DDI2: variants seen among roughly 807,000 people sequenced by gnomAD.
DDI2 encodes the protein DDI proteasomal shuttling factor 2, also known as protein DDI1 homolog 2.
In DDI2, 5 loss-of-function variants were observed where a neutral mutation model predicts 48.1. The ratio of observed to expected loss-of-function variants is 0.10; its 90% CI spans 0.05 to 0.22. The LOEUF (loss-of-function observed/expected upper bound fraction) is 0.22. Ranked by LOEUF, DDI2 falls within the 10% of genes least tolerant of loss-of-function variation. DDI2 has a pLI of 1.00. For synonymous variants in DDI2, 205 were observed against 183.6 expected (o/e 1.12, Z -0.94); for missense variants, 285 against 506.2 (o/e 0.56, Z 4.19).
At chr1:15,641,256 G>A (rs1303641789) in intron 5 of DDI2, among the ~76,000 whole-genome samples, 2 of 152,062 alleles carry the variant, frequency 1.3e-5, no homozygotes, top group African/African-American at 2.4e-5. Flanking sequence ...TAGACCATTT[G>A]AGGTCAGGAG....
intron 7 of DDI2, among the ~76,000 whole-genome samples, chr1:15,650,970 T>A (rs1163386168): frequency 2.6e-5 from 4 of 152,192 alleles, no homozygotes; most frequent in African/African-American, 7.2e-5. Flanking sequence ...TTCTCCTGCC[T>A]CAGCCTCCCG....
At chr1:15,630,958 C>T (rs1340621068) in intron 3 of DDI2, among the ~76,000 whole-genome samples, 2 of 152,220 alleles carry the variant, frequency 1.3e-5, no homozygotes, top group Non-Finnish European at 2.9e-5. Context: ...ATTCTCCTGC[C>T]TCAGCCTCCC....
At position 15,630,218 on chromosome 1, in the gene DDI2, C is replaced by A. The variant is rs371398926; in HGVS notation, c.269-107C>A. ...AGAACAAGGTTAAAGTCTACAGTTA[C>A]CTTTGCTGCTGTCATATACCATGTA... On this transcript the variant is annotated intron_variant, in intron 2 of 9. Transcript: ENST00000480945. 164 of 977,848 alleles carry A rather than the reference C, an allele frequency of 1.7e-4. No homozygotes were observed. In the East Asian group the frequency reaches 2.9e-3, roughly 17 times the overall value. The allele number at this position is 977,848 out of a possible 1,614,324, so 60.6% of individuals were successfully genotyped here. A position where few individuals can be genotyped will look rare whatever the true frequency, so the allele number is the denominator to read the frequency against.
Position 15,659,780 on chromosome 1 carries a change from T to C in DDI2, c.*47-57T>C, listed in dbSNP as rs1224053872. 1.6e-5 allele frequency: 23 copies of C among 1,464,138 alleles called. No homozygotes were observed. In the South Asian group the frequency reaches 2.6e-4, roughly 16 times the overall value. The allele number at this position is 1,464,138 out of a possible 1,614,324, so 90.7% of individuals were successfully genotyped here. On this transcript the variant is annotated intron_variant, in intron 9 of 9. Transcript: ENST00000480945. ...TTTAGATTTGTATCCTCTGGTAATT[T>C]AGTGGCATTAGTCACCTGCTAATTA...
intron 4 of DDI2, among the ~76,000 whole-genome samples, chr1:15,636,010 G>A (rs1434106468): frequency 6.6e-6 from 1 of 152,234 alleles, no homozygotes; most frequent in African/African-American, 2.4e-5. Context: ...TTGCCTAAAG[G>A]AAGGTGCTTT....
Position 15,626,794 on chromosome 1 carries a change from C to T in DDI2, c.264C>T (p.Phe88=), listed in dbSNP as rs757208866. Residue 88 remains phenylalanine (F), a synonymous_variant, in exon 2 of 10, where the codon TTC becomes TTT. Transcript: ENST00000480945. ...CAGACCCTCGACCTCCAGTGCAGTTCCCAAGTAAGACATCTGGTGGTTGAG... is the reference window on the plus strand; with the variant it reads ...CAGACCCTCGACCTCCAGTGCAGTTTCCAAGTAAGACATCTGGTGGTTGAG... ...ENADPRPPVQ[F]PNLPRIDFSS... is the part of the protein sequence containing the mutation. 6.2e-6 allele frequency: 10 copies of T among 1,614,036 alleles called. No individual in the cohort carries two copies. The East Asian group carries it at 2.2e-4, about 36-fold the overall frequency.
Position 15,662,584 on chromosome 1 carries a change from A to G in DDI2, c.*2794A>G, listed in dbSNP as rs1640399174. 1 of 152,244 alleles carries G rather than the reference A, an allele frequency of 6.6e-6. No individual in the cohort carries two copies. Among genetic ancestry groups the G allele is most frequent in the Non-Finnish European group, 1.5e-5 (1 of 68,048 alleles). The allele number at this position is 152,244 out of a possible 1,614,324, so 9.4% of individuals were successfully genotyped here. ...TTTGCTAGAGTTTGGGTTTGCTAGC[A>G]TCTCACTGATAACACCTCAACCCTT... On this transcript the variant is annotated 3_prime_UTR_variant, in exon 10 of 10. Transcript: ENST00000480945.
At position 15,661,050 on chromosome 1, in the gene DDI2, C is replaced by A; in HGVS notation, c.*1260C>A. 6.2e-7 allele frequency: 1 copy of A among 1,614,146 alleles called. No individual in the cohort carries two copies. The highest frequency in any genetic ancestry group is 1.3e-5 in the African/African-American group (1 of 75,046). ...CTGAGGGCCAAACCAGTATTAAAGACCTTTCTGAAAGATGGACCCAAAATG... is the reference window on the plus strand; with the variant it reads ...CTGAGGGCCAAACCAGTATTAAAGAACTTTCTGAAAGATGGACCCAAAATG... On this transcript the variant is annotated 3_prime_UTR_variant, in exon 10 of 10. Transcript: ENST00000480945.
intron 6 of DDI2, among the ~76,000 whole-genome samples, chr1:15,646,972 T>G (rs1640102194): frequency 6.6e-6 from 1 of 152,160 alleles, no homozygotes; most frequent in African/African-American, 2.4e-5. Context: ...TGCACTTTTT[T>G]ATCTTATAAA....
At chr1:15,652,446 C>CGGGG (rs1396074011) in intron 8 of DDI2, among the ~76,000 whole-genome samples, 1 of 15,918 alleles carries the variant, frequency 6.3e-5, no homozygotes, top group Non-Finnish European at 1.5e-4. Context: ...TGGGAGGCTC[C>CGGGG]GGAGGGGGGG....
At chr1:15,652,947 G>C (rs1390863540) in intron 8 of DDI2, among the ~76,000 whole-genome samples, 3 of 152,184 alleles carry the variant, frequency 2.0e-5, no homozygotes, top group African/African-American at 4.8e-5. Flanking sequence ...GGAGGTTGCA[G>C]TGAGTCAAGA....
intron 4 of DDI2, chr1:15,634,405 T>A (rs1223319041): frequency 6.6e-6 from 1 of 152,430 alleles, no homozygotes; most frequent in African/African-American, 2.4e-5. Flanking sequence ...CTTACTACAC[T>A]TAGACTGCTT....
At chr1:15,623,246 A>G (rs1639697445) in intron 1 of DDI2, among the ~76,000 whole-genome samples, 3 of 152,088 alleles carry the variant, frequency 2.0e-5, no homozygotes, top group Non-Finnish European at 4.4e-5. Flanking sequence ...CTTAGTGGCA[A>G]TGGATGGCTT....
intron 4 of DDI2, among the ~76,000 whole-genome samples, chr1:15,634,558 G>T (rs1181170128): frequency 1.7e-4 from 2 of 11,516 alleles, no homozygotes; most frequent in Non-Finnish European, 2.8e-4. Context: ...TTTGAGACAA[G>T]GTCTCACTCT....
intron 1 of DDI2, among the ~76,000 whole-genome samples, chr1:15,623,387 C>CTTTTTTTT (rs777821777): frequency 3.7e-5 from 4 of 107,490 alleles, no homozygotes; most frequent in African/African-American, 1.5e-4. Context: ...TTTTCTTCTT[C>CTTTTTTTT]TTTTTTTTTT....
chr1:15,631,042 A>G (rs1442860345), intron 3 of DDI2, among the ~76,000 whole-genome samples: 1 of 152,078 alleles, frequency 6.6e-6, no homozygotes, highest in African/African-American at 2.4e-5. Flanking sequence ...ACGGGGTTTC[A>G]CCGTGTTAGC....
Position 15,660,428 on chromosome 1 carries a change from A to G in DDI2, c.*638A>G, listed in dbSNP as rs1426749447. The G allele has an allele frequency of 2.5e-6, 4 of 1,613,964 alleles. No individual in the cohort carries two copies. The highest frequency in any genetic ancestry group is 1.3e-5 in the African/African-American group (1 of 74,924). Reference sequence around the variant, plus strand: ...GCACAACAAAAAGCTTCACATGACCAAGAATATCTTTGTAACATAGGGGAC... The same window carrying G: ...GCACAACAAAAAGCTTCACATGACCGAGAATATCTTTGTAACATAGGGGAC... On this transcript the variant is annotated 3_prime_UTR_variant, in exon 10 of 10. Coordinates refer to ENST00000480945, the MANE Select transcript of DDI2 (RefSeq NM_032341.5).
chr1:15,635,692 A>G (rs1639917597), intron 4 of DDI2, among the ~76,000 whole-genome samples: 1 of 152,180 alleles, frequency 6.6e-6, no homozygotes. Context: ...GGTGTGAGCC[A>G]CTGCGCCTGG....
chr1:15,649,992 T>C (rs996680278), intron 7 of DDI2, among the ~76,000 whole-genome samples, 169 bp downstream of exon 7: 3 of 152,254 alleles, frequency 2.0e-5, no homozygotes, highest in Non-Finnish European at 4.4e-5. Flanking sequence ...GATGTGTCGA[T>C]ATAGATAGAA....
Sources: allele counts gnomAD v4.1 joint callset (sites outside exome capture counted in the v4.1 genomes callset), GRCh38; gene constraint gnomAD v4.1.1; transcripts MANE v1.5; gene names NCBI Gene and HGNC (gene_info 2026-07-23, HGNC 2026-07-21).